The following ILKAP variants were observed in gnomAD, a reference collection of about 807,000 sequenced individuals.
ILKAP encodes the protein ILK associated serine/threonine phosphatase.
A neutral mutation model predicts 49.1 loss-of-function variants in ILKAP; 11 were observed. The ratio of observed to expected loss-of-function variants is 0.22; its 90% CI spans 0.14 to 0.37. The LOEUF is 0.37. Ranked by LOEUF, ILKAP falls within the 10% of genes least tolerant of loss-of-function variation. ILKAP has a pLI of 1.00. For synonymous variants in ILKAP, 186 were observed against 192.8 expected (o/e 0.96, Z 0.29); for missense variants, 363 against 510.8 (o/e 0.71, Z 2.79).
At chr2:238,182,421 C>G (rs545498785) in intron 8 of ILKAP, among the ~76,000 whole-genome samples, 1 of 152,190 alleles carries the variant, frequency 6.6e-6, no homozygotes, top group Non-Finnish European at 1.5e-5. Context: ...CTGGTACAAA[C>G]TCTGCTGAAT....
intron 1 of ILKAP, among the ~76,000 whole-genome samples, chr2:238,195,282 G>A (rs1476618484): frequency 6.6e-6 from 1 of 152,146 alleles, no homozygotes; most frequent in African/African-American, 2.4e-5. Flanking sequence ...AGAAATTTGG[G>A]GTGGGGTGGA....
intron 10 of ILKAP, among the ~76,000 whole-genome samples, chr2:238,173,191 A>C (rs914744817): frequency 1.2e-4 from 19 of 152,146 alleles, no homozygotes; most frequent in Admixed American, 3.9e-4. Context: ...CTGTCTGGCC[A>C]TGCTTTCACA....
At chr2:238,190,012 G>T (rs767799530) in intron 3 of ILKAP, 40 bp from the exon 4 acceptor site, 1 of 1,605,904 alleles carries the variant, frequency 6.2e-7, no homozygotes, top group Non-Finnish European at 8.5e-7. Flanking sequence ...CACAGCTGTA[G>T]ACTGTTGGAA....
intron 4 of ILKAP, 99 bp from the exon 5 acceptor site, chr2:238,188,356 T>G (rs2106335756): frequency 7.1e-7 from 1 of 1,406,548 alleles, no homozygotes; most frequent in Non-Finnish European, 9.6e-7. Context: ...ACTGTCTGAC[T>G]CAGCAATATC....
intron 1 of ILKAP, among the ~76,000 whole-genome samples, chr2:238,203,242 G>A (rs2106343924): frequency 6.6e-6 from 1 of 151,162 alleles, no homozygotes; most frequent in South Asian, 2.1e-4. Context: ...AGGGGCCGTG[G>A]CCACGACGGC....
chr2:238,175,454 G>C (rs1559288703), intron 9 of ILKAP, among the ~76,000 whole-genome samples: 1 of 152,128 alleles, frequency 6.6e-6, no homozygotes, highest in African/African-American at 2.4e-5. Flanking sequence ...AGAGTAACAG[G>C]AGAAAGCACA....
chr2:238,171,512 A>G (rs1358992591), intron 10 of ILKAP, among the ~76,000 whole-genome samples: 1 of 152,228 alleles, frequency 6.6e-6, no homozygotes, highest in Non-Finnish European at 1.5e-5. Context: ...GGTTTAAACT[A>G]CTTACAAGTA....
rs774111539 is a variant in ILKAP at position 238,170,968 on chromosome 2, A to G, written c.1013T>C (p.Val338Ala). Residue 338 changes from valine (V) to alanine (A), a missense_variant, in exon 11 of 12, where the codon GTG becomes GCG. Transcript: ENST00000254654. ...CTCGAGACAGGACAAGATGAAGTTCACGGCTTCTTCTGGGGTAAAGACCTT... is the reference window on the plus strand; with the variant it reads ...CTCGAGACAGGACAAGATGAAGTTCGCGGCTTCTTCTGGGGTAAAGACCTT... The part of the protein sequence containing the change: ...LFKVFTPEEA[V>A]NFILSCLEDE... 1 of 1,614,042 alleles carries G rather than the reference A, an allele frequency of 6.2e-7. No individual in the cohort carries two copies. Among genetic ancestry groups the G allele is most frequent in the Non-Finnish European group, 8.5e-7 (1 of 1,179,924 alleles).
At chr2:238,173,446 TCC>T in intron 10 of ILKAP, 86 bp downstream of exon 10, 1 of 1,542,972 alleles carries the variant, frequency 6.5e-7, no homozygotes, top group Non-Finnish European at 8.8e-7. Context: ...ACACCTTCCC[TCC>T]AACAAAGGCT....
chr2:238,197,539 G>A (rs1694396420), intron 1 of ILKAP, among the ~76,000 whole-genome samples: 1 of 152,092 alleles, frequency 6.6e-6, no homozygotes, highest in Non-Finnish European at 1.5e-5. Flanking sequence ...ACTGTACAAG[G>A]GAGGAAGTCT....
chr2:238,187,407 G>A (rs907392021), intron 5 of ILKAP, among the ~76,000 whole-genome samples: 5 of 152,052 alleles, frequency 3.3e-5, no homozygotes, highest in African/African-American at 4.8e-5. Context: ...TGTCAGTAAA[G>A]GTACGTAATG....
intron 9 of ILKAP, among the ~76,000 whole-genome samples, chr2:238,181,293 T>C (rs895332965): frequency 1.8e-5 from 2 of 113,746 alleles, no homozygotes; most frequent in Admixed American, 9.1e-5. Flanking sequence ...AGTCAAACTG[T>C]ACAACAAACC....
At position 238,173,674 on chromosome 2, in the gene ILKAP, T is replaced by C. The variant is rs1456775856; in HGVS notation, c.837-21A>G. On this transcript the variant is annotated intron_variant, in intron 9 of 11. Transcript: ENST00000254654. Reference sequence around the variant, plus strand: ...CATCCCTAAAATGAGAGGAAAAACATTTCAGACTCTACCTGACAGATTATG... The same window carrying C: ...CATCCCTAAAATGAGAGGAAAAACACTTCAGACTCTACCTGACAGATTATG... 3 of 1,611,982 alleles carry C rather than the reference T, an allele frequency of 1.9e-6. No homozygotes were observed. The Admixed American group carries it at 5.0e-5, about 27-fold the overall frequency.
chr2:238,200,201 CT>C (rs66935818), intron 1 of ILKAP, among the ~76,000 whole-genome samples: 42,155 of 151,888 alleles, frequency 0.28, 6,267 homozygotes, highest in South Asian at 0.37. Context: ...TGAACAAACA[CT>C]TTTTTTTAGG....
At chr2:238,171,120 G>T in intron 10 of ILKAP, 96 bp from the exon 11 acceptor site, 7 of 800,858 alleles carry the variant, frequency 8.7e-6, no homozygotes, top group South Asian at 1.7e-5. Flanking sequence ...ATAAATATTT[G>T]TCCAACTATT....
chr2:238,190,877 T>TTAAAA (rs1252463558), intron 3 of ILKAP, among the ~76,000 whole-genome samples: 3 of 95,130 alleles, frequency 3.2e-5, no homozygotes, highest in African/African-American at 4.3e-5. Flanking sequence ...CGTTTCTCTT[T>TTAAAA]AAAAAAAAAA....
chr2:238,196,303 C>A (rs756067467), intron 1 of ILKAP, among the ~76,000 whole-genome samples: 3 of 152,050 alleles, frequency 2.0e-5, no homozygotes, highest in South Asian at 2.1e-4. Flanking sequence ...ATTGACCAGG[C>A]TAGTCTTGAA....
intron 9 of ILKAP, among the ~76,000 whole-genome samples, chr2:238,174,317 G>C: frequency 6.6e-6 from 1 of 152,144 alleles, no homozygotes; most frequent in East Asian, 1.9e-4. Flanking sequence ...TATTGCCAAG[G>C]AAAAACCATT....
chr2:238,191,286 C>T lies in ILKAP; in HGVS notation c.179-1314G>A, dbSNP rs1694112257. 3.9e-5 allele frequency among the ~76,000 whole-genome samples: 6 copies of T among 152,012 alleles called. No individual in the cohort carries two copies. The South Asian group carries it at 1.2e-3, about 32-fold the overall frequency. On this transcript the variant is annotated intron_variant, in intron 3 of 11. Transcript: ENST00000254654. The stretch of plus-strand genomic sequence containing the variant: ...GTCTCAGCCTACAGGAGTGCACCAT[C>T]ACACCCAGCTAATTTTTGTATTTTT...
Sources: gnomAD v4.1 joint callset for allele counts (sites outside exome capture counted in the v4.1 genomes callset) on GRCh38, gnomAD v4.1.1 for gene constraint, MANE v1.5 for transcripts, NCBI Gene and HGNC (gene_info 2026-07-23, HGNC 2026-07-21) for gene names.